Variants in ZUP1 observed in about 807,000 individuals in gnomAD.
ZUP1 encodes zinc finger-containing ubiquitin peptidase 1.
Under a neutral mutation model 68.1 loss-of-function variants are expected in ZUP1, and 55 were observed. The observed-to-expected ratio is 0.81, with a 90% CI of 0.65 to 1.01. The LOEUF (loss-of-function observed/expected upper bound fraction) is 1.01, where lower values mean the gene tolerates loss of function less well. Ranked by LOEUF, ZUP1 falls within the 50% of genes least tolerant of loss-of-function variation. The probability of loss-of-function intolerance (pLI) is 0.00; values close to 1 mark genes in which losing one functional copy is unlikely to be tolerated. For synonymous variants in ZUP1, 223 were observed against 221.5 expected (o/e 1.01, Z -0.06); for missense variants, 684 against 674.9 (o/e 1.01, Z -0.15).
chr6:116,636,230 AAAC>A (rs1775906996), intron 9 of ZUP1, among the ~76,000 whole-genome samples: 1 of 152,188 alleles, frequency 6.6e-6, no homozygotes, highest in African/African-American at 2.4e-5. Flanking sequence ...GAAACTTTAT[AAAC>A]ATTATGCATA....
intron 9 of ZUP1, among the ~76,000 whole-genome samples, chr6:116,638,761 C>G (rs1775981536): frequency 6.6e-6 from 1 of 152,196 alleles, no homozygotes; most frequent in Non-Finnish European, 1.5e-5. Flanking sequence ...ATGAGTGACG[C>G]AGAAGACGGG....
At chr6:116,654,762 G>A (rs1278138673) in intron 5 of ZUP1, among the ~76,000 whole-genome samples, 2 of 152,034 alleles carry the variant, frequency 1.3e-5, no homozygotes, top group Admixed American at 1.3e-4. Context: ...GAAAGGAAGA[G>A]AACAGGTAAT....
intron 2 of ZUP1, among the ~76,000 whole-genome samples, chr6:116,662,714 C>T (rs1164409869): frequency 6.6e-6 from 1 of 152,138 alleles, no homozygotes; most frequent in Non-Finnish European, 1.5e-5. Context: ...TCATGACACC[C>T]CATTTTCTCT....
At chr6:116,640,086 C>CA (rs1328028529) in intron 9 of ZUP1, among the ~76,000 whole-genome samples, 2 of 152,204 alleles carry the variant, frequency 1.3e-5, no homozygotes, top group East Asian at 3.9e-4. Flanking sequence ...GAAAGGGTAT[C>CA]AGCGATGGAA....
intron 4 of ZUP1, among the ~76,000 whole-genome samples, chr6:116,658,515 CAAATTACT>C (rs1776735361): frequency 6.6e-6 from 1 of 152,066 alleles, no homozygotes; most frequent in African/African-American, 2.4e-5. Context: ...TGACACTGAG[CAAATTACT>C]TAACCATTCT....
chr6:116,640,436 A>G (rs1013338132), intron 9 of ZUP1, among the ~76,000 whole-genome samples: 1 of 152,220 alleles, frequency 6.6e-6, no homozygotes, highest in East Asian at 1.9e-4. Flanking sequence ...GGCAGCCAGA[A>G]AGAAAGGTCG....
rs577159151 is a variant in ZUP1 at position 116,649,836 on chromosome 6, T to A, written c.1316+1736A>T. On this transcript the variant is annotated intron_variant, in intron 7 of 9. Transcript: ENST00000368576. ...CTTTTTAATGTTTCATTCTTCACTC[T>A]CTGAATGGACAACTAAGGATTTCCA... Among the ~76,000 whole-genome samples, 3 of 152,272 alleles carry A rather than the reference T, an allele frequency of 2.0e-5. No individual in the cohort carries two copies. In the South Asian group the frequency reaches 6.2e-4, roughly 32 times the overall value.
In ZUP1 at chr6:116,651,584, G is replaced by A. The variant is rs1776493171; in HGVS notation, c.1304C>T (p.Ser435Phe). 1 of 1,608,802 alleles carries A rather than the reference G, an allele frequency of 6.2e-7. No individual in the cohort carries two copies. The highest frequency in any genetic ancestry group is 1.1e-5 in the South Asian group (1 of 89,878). Residue 435 changes from serine to phenylalanine, a missense_variant, in exon 7 of 10, where the codon TCC (serine) becomes TTC (phenylalanine). Coordinates refer to ENST00000368576, the MANE Select transcript of ZUP1 (RefSeq NM_145062.3). ...GACEVYILLTSLRVKCHIVDF... is the reference protein window; with the variant it reads ...GACEVYILLTFLRVKCHIVDF... The stretch of plus-strand genomic sequence containing the variant: ...TTAAGGTACATACTTTACCCTTAGG[G>A]AGGTCAGGAGTATATATACTTCACA...
rs770143918 is a variant in ZUP1 at position 116,647,558 on chromosome 6, G to A, written c.1369C>T (p.Arg457Cys). 1.9e-5 allele frequency: 31 copies of A among 1,600,628 alleles called. No individual in the cohort carries two copies. Among genetic ancestry groups the A allele is most frequent in the African/African-American group, 6.7e-5 (5 of 74,864 alleles). ...KSTGPLGTHP[R>C]LFEWILNYYS... ...TAGTTCAATATCCATTCAAATAAGCGAGGGTGTGTACCCAAAGGACCAGTT... is the reference window on the plus strand; with the variant it reads ...TAGTTCAATATCCATTCAAATAAGCAAGGGTGTGTACCCAAAGGACCAGTT... Residue 457 changes from arginine (R) to cysteine (C), a missense_variant, in exon 8 of 10, where the codon CGC (arginine) becomes TGC (cysteine). Physicochemically the swap from Arg to Cys is radical, Grantham distance 180 (BLOSUM62 -3). Transcript: ENST00000368576.
rs778484260 is a variant in ZUP1, at chr6:116,666,770, T to C, written c.423A>G (p.Glu141=). Residue 141 remains glutamate, a synonymous_variant, in exon 2 of 10, where the codon GAA becomes GAG. Transcript: ENST00000368576. ...KSREKQSSLT[E]IKGSVYETTY... ...TTGTTTCATAAACAGATCCTTTTAT[T>C]TCGGTCAGGCTGGACTGTTTTTCCC... 9.3e-6 allele frequency: 15 copies of C among 1,613,808 alleles called. No individual in the cohort carries two copies. Among genetic ancestry groups the C allele is most frequent in the Middle Eastern group, 3.3e-4 (2 of 6,080 alleles).
chr6:116,642,101 T>A, intron 9 of ZUP1, among the ~76,000 whole-genome samples: 3 of 151,938 alleles, frequency 2.0e-5, no homozygotes. Context: ...ATGGATAAAT[T>A]CCTCGAAACA....
At chr6:116,667,687 AT>A (rs949165937) in intron 1 of ZUP1, among the ~76,000 whole-genome samples, 10 of 152,154 alleles carry the variant, frequency 6.6e-5, no homozygotes, top group African/African-American at 2.4e-4. Context: ...TATTATTGTA[AT>A]TTAAGTACTA....
chr6:116,640,868 G>C (rs1214094387), intron 9 of ZUP1, among the ~76,000 whole-genome samples: 2 of 150,210 alleles, frequency 1.3e-5, no homozygotes, highest in Non-Finnish European at 3.0e-5. Flanking sequence ...TGGACTAAAT[G>C]CTCCAATTAA....
Position 116,652,175 on chromosome 6 carries a change from G to A in ZUP1, c.979C>T (p.His327Tyr). ...TKTSGIIEAL[H>Y]RYYQNAATDV... The stretch of plus-strand genomic sequence containing the variant: ...GTGGCAGCATTCTGATAATACCTAT[G>A]AAGTGCTTCAATAATTCCTAAAGTA... The change falls in exon 6 of 10, where the codon CAT becomes TAT. Residue 327 changes from histidine to tyrosine, a missense_variant. By Grantham distance (83) the His-to-Tyr change is moderately conservative (BLOSUM62 2). Transcript: ENST00000368576. 1.2e-6 allele frequency: 2 copies of A among 1,611,888 alleles called. No individual in the cohort carries two copies. The highest frequency in any genetic ancestry group is 1.7e-6 in the Non-Finnish European group (2 of 1,179,172).
intron 9 of ZUP1, among the ~76,000 whole-genome samples, chr6:116,639,606 A>G (rs1354003768): frequency 6.6e-6 from 1 of 152,226 alleles, no homozygotes; most frequent in Non-Finnish European, 1.5e-5. Flanking sequence ...AGCAAACTCC[A>G]ACAGACCTGC....
chr6:116,644,095 T>C (rs1291528684), intron 9 of ZUP1, among the ~76,000 whole-genome samples: 1 of 152,130 alleles, frequency 6.6e-6, no homozygotes, highest in African/African-American at 2.4e-5. Flanking sequence ...AAAATGCTCA[T>C]CATCACTGGC....
At chr6:116,662,879 T>C (rs1228342922) in intron 2 of ZUP1, among the ~76,000 whole-genome samples, 1 of 152,228 alleles carries the variant, frequency 6.6e-6, no homozygotes, top group Non-Finnish European at 1.5e-5. Flanking sequence ...TCATCTACCT[T>C]TCTTAGTGCC....
intron 2 of ZUP1, among the ~76,000 whole-genome samples, chr6:116,664,598 C>G (rs1001828238): frequency 8.6e-5 from 13 of 151,910 alleles, no homozygotes; most frequent in Non-Finnish European, 1.2e-4. Context: ...ATGAGAAGGT[C>G]TAAGTTGATG....
At chr6:116,656,876 C>A in intron 4 of ZUP1, 24 bp from the exon 5 acceptor site, 17 of 1,499,806 alleles carry the variant, frequency 1.1e-5, no homozygotes, top group Non-Finnish European at 1.5e-5. Context: ...AAATAAATGA[C>A]TTAATTTTTA....
Sources: allele counts gnomAD v4.1 joint callset (sites outside exome capture counted in the v4.1 genomes callset), GRCh38; gene constraint gnomAD v4.1.1; transcripts MANE v1.5; gene names NCBI Gene and HGNC (gene_info 2026-07-23, HGNC 2026-07-21).